The following ANGPT1 variants were observed in gnomAD, a reference collection of about 807,000 sequenced individuals.
The protein encoded by ANGPT1 is angiopoietin-1.
ANGPT1 carries 17 observed loss-of-function variants against 62.2 expected under a neutral mutation model. The ratio of observed to expected loss-of-function variants is 0.27; its 90% CI spans 0.19 to 0.41. ANGPT1 has a LOEUF of 0.41. Among genes scored for constraint, ANGPT1 ranks in the 10% least tolerant of loss-of-function variants. ANGPT1 has a pLI of 1.00. For synonymous variants in ANGPT1, 199 were observed against 198.9 expected (o/e 1.00, Z 0.00); for missense variants, 478 against 594.9 (o/e 0.80, Z 2.04).
At chr8:107,407,089 A>G (rs1817164024) in intron 1 of ANGPT1, among the ~76,000 whole-genome samples, 1 of 152,212 alleles carries the variant, frequency 6.6e-6, no homozygotes, top group African/African-American at 2.4e-5. Flanking sequence ...AGACATGGCC[A>G]GAGGGCATTC....
intron 6 of ANGPT1, among the ~76,000 whole-genome samples, chr8:107,290,244 A>C (rs1467200977): frequency 1.3e-5 from 2 of 152,182 alleles, no homozygotes; most frequent in African/African-American, 4.8e-5. Context: ...ATAGATATCA[A>C]TCACTATGAA....
At position 107,434,768 on chromosome 8, in the gene ANGPT1, G is replaced by A. The variant is rs74899272; in HGVS notation, c.297+62494C>T. Among the ~76,000 whole-genome samples, 846 of 152,234 alleles carry A rather than the reference G, an allele frequency of 5.6e-3. 7 individuals carry two copies. Among genetic ancestry groups the A allele is most frequent in the African/African-American group, 0.019 (804 of 41,522 alleles). ...ATACTGATAATGTTTGCTTGTAAATGTATACCCAATAAGTTTAGAAAATAA... is the reference window on the plus strand; with the variant it reads ...ATACTGATAATGTTTGCTTGTAAATATATACCCAATAAGTTTAGAAAATAA... On this transcript the variant is annotated intron_variant, in intron 1 of 8. Coordinates refer to ENST00000517746, the MANE Select transcript of ANGPT1 (RefSeq NM_001146.5).
intron 7 of ANGPT1, among the ~76,000 whole-genome samples, chr8:107,266,219 A>G (rs1043277863): frequency 6.6e-6 from 1 of 152,226 alleles, no homozygotes; most frequent in Non-Finnish European, 1.5e-5. Flanking sequence ...GTAAGATGAC[A>G]GATCACCAAA....
intron 1 of ANGPT1, among the ~76,000 whole-genome samples, chr8:107,472,825 A>G (rs2130501391): frequency 6.6e-6 from 1 of 151,952 alleles, no homozygotes; most frequent in African/African-American, 2.4e-5. Flanking sequence ...ATAAAATAAC[A>G]CCTTCCCATA....
chr8:107,417,360 T>G (rs554341547), intron 1 of ANGPT1, among the ~76,000 whole-genome samples: 1 of 152,242 alleles, frequency 6.6e-6, no homozygotes, highest in African/African-American at 2.4e-5. Context: ...TAGGGGCTAT[T>G]GCCATTGTTA....
At chr8:107,482,523 A>G (rs534376238) in intron 1 of ANGPT1, among the ~76,000 whole-genome samples, 1 of 152,298 alleles carries the variant, frequency 6.6e-6, no homozygotes, top group East Asian at 1.9e-4. Context: ...ACAGTAGCTC[A>G]GGGCATGAGT....
chr8:107,444,400 G>A lies in ANGPT1; in HGVS notation c.297+52862C>T, dbSNP rs552562992. On this transcript the variant is annotated intron_variant, in intron 1 of 8. Coordinates refer to ENST00000517746, the MANE Select transcript of ANGPT1 (RefSeq NM_001146.5). ...ATTTATATGTCAAGGTAATAGATCA[G>A]CCTTCTTCTGTTTATGTCAGTTGGT... Among the ~76,000 whole-genome samples, 52 of 152,246 alleles carry A rather than the reference G, an allele frequency of 3.4e-4. 1 individual carries two copies. The highest frequency in any genetic ancestry group is 1.2e-3 in the African/African-American group (48 of 41,542).
At chr8:107,372,184 T>TAAG (rs1816429442) in intron 1 of ANGPT1, among the ~76,000 whole-genome samples, 1 of 151,276 alleles carries the variant, frequency 6.6e-6, no homozygotes, top group Admixed American at 6.6e-5. Context: ...CCATGTGTTA[T>TAAG]ATGTAGCAGA....
chr8:107,458,117 C>T (rs1811973453), intron 1 of ANGPT1, among the ~76,000 whole-genome samples: 1 of 152,032 alleles, frequency 6.6e-6, no homozygotes, highest in Non-Finnish European at 1.5e-5. Flanking sequence ...GCTGAAATTC[C>T]AGTATGTACT....
At chr8:107,497,207 CA>C in intron 1 of ANGPT1, 54 bp downstream of exon 1, 1 of 1,557,796 alleles carries the variant, frequency 6.4e-7, no homozygotes. Flanking sequence ...AAGTTAGCTG[CA>C]GTGCAAGAAA....
At chr8:107,378,020 T>C (rs1000110321) in intron 1 of ANGPT1, among the ~76,000 whole-genome samples, 1 of 152,188 alleles carries the variant, frequency 6.6e-6, no homozygotes, top group Non-Finnish European at 1.5e-5. Flanking sequence ...GCCAAGCGAA[T>C]AGTTGAAAAA....
intron 1 of ANGPT1, among the ~76,000 whole-genome samples, chr8:107,477,073 C>T (rs1006599152): frequency 3.9e-5 from 6 of 152,156 alleles, no homozygotes; most frequent in African/African-American, 1.2e-4. Context: ...TTCACTACTA[C>T]TACTGTTTAT....
Position 107,445,911 on chromosome 8 carries a change from AT to A in ANGPT1, c.297+51350del, listed in dbSNP as rs749097640. ...ACAATGTTTATTATTTAATTAATTA[AT>A]TAATTAACTAATTTATGTATTTTGA... is the stretch of plus-strand genomic sequence containing the variant. On this transcript the variant is annotated intron_variant, in intron 1 of 8. Transcript: ENST00000517746. 5.9e-5 allele frequency among the ~76,000 whole-genome samples: 9 copies of A among 152,242 alleles called. No individual in the cohort carries two copies. The East Asian group carries it at 1.2e-3, about 20-fold the overall frequency.
chr8:107,456,849 A>G (rs1811932596), intron 1 of ANGPT1, among the ~76,000 whole-genome samples: 1 of 152,092 alleles, frequency 6.6e-6, no homozygotes, highest in African/African-American at 2.4e-5. Flanking sequence ...TAGGTACTTG[A>G]TCATGCTAAA....
intron 1 of ANGPT1, among the ~76,000 whole-genome samples, chr8:107,416,235 G>T (rs1173867082): frequency 6.6e-6 from 1 of 152,116 alleles, no homozygotes; most frequent in African/African-American, 2.4e-5. Flanking sequence ...AGGGCCTCTG[G>T]AACTTCTCAC....
At position 107,251,787 on chromosome 8, in the gene ANGPT1, C is replaced by T. The variant is rs1813252778; in HGVS notation, c.*68G>A. ...ATTGTTTGCTTCTGAAGTTTTCAAA[C>T]AGTTTCTCACCTGGCAGCTTCTCCG... On this transcript the variant is annotated 3_prime_UTR_variant, in exon 9 of 9. Coordinates refer to ENST00000517746, the MANE Select transcript of ANGPT1 (RefSeq NM_001146.5). The T allele has an allele frequency of 1.9e-6, 3 of 1,576,918 alleles. No individual in the cohort carries two copies. Among genetic ancestry groups the T allele is most frequent in the Non-Finnish European group, 1.7e-6 (2 of 1,154,134 alleles).
Position 107,497,496 on chromosome 8 carries a change from A to T in ANGPT1, c.63T>A (p.Asn21Lys), listed in dbSNP as rs1239166383. The change falls in exon 1 of 9, where the codon AAT becomes AAA. Residue 21 changes from asparagine (N) to lysine (K), a missense_variant. Transcript: ENST00000517746. ...AAILTHIGCS[N>K]QRRSPENSGR... ...CACTGTTTTCTGGACTTCGGCGCTGATTGCTGCACCCTATGTGAGTCAGAA... is the reference window on the plus strand; with the variant it reads ...CACTGTTTTCTGGACTTCGGCGCTGTTTGCTGCACCCTATGTGAGTCAGAA... 1 of 1,614,174 alleles carries T rather than the reference A, an allele frequency of 6.2e-7. No individual in the cohort carries two copies.
chr8:107,453,010 T>C (rs1010645542), intron 1 of ANGPT1, among the ~76,000 whole-genome samples: 3 of 152,076 alleles, frequency 2.0e-5, no homozygotes, highest in Admixed American at 6.6e-5. Context: ...AAATTCACTA[T>C]AACTTTACAT....
chr8:107,283,152 G>A (rs1387061273), intron 7 of ANGPT1, among the ~76,000 whole-genome samples: 1 of 152,124 alleles, frequency 6.6e-6, no homozygotes, highest in Non-Finnish European at 1.5e-5. Flanking sequence ...CATTAGCCAA[G>A]TTTCATATAG....
Sources: allele counts gnomAD v4.1 joint callset (sites outside exome capture counted in the v4.1 genomes callset), GRCh38; gene constraint gnomAD v4.1.1; transcripts MANE v1.5; gene names NCBI Gene and HGNC (gene_info 2026-07-23, HGNC 2026-07-21).